The following SIM2 variants were observed in gnomAD, a reference collection of about 807,000 sequenced individuals.
SIM2 encodes SIM bHLH transcription factor 2.
A neutral mutation model predicts 64.8 loss-of-function variants in SIM2; 28 were observed. The observed-to-expected ratio is 0.43, with a 90% CI of 0.32 to 0.59. The LOEUF is 0.59. Among genes scored for constraint, SIM2 ranks in the 20% least tolerant of loss-of-function variants. The probability of loss-of-function intolerance (pLI) is 0.07; values close to 1 mark genes in which losing one functional copy is unlikely to be tolerated. For missense variants in SIM2, 847 were observed against 871.4 expected (o/e 0.97, Z 0.35); for synonymous variants, 408 against 391.1 (o/e 1.04, Z -0.51).
intron 1 of SIM2, among the ~76,000 whole-genome samples, chr21:36,706,040 C>G (rs773319166): frequency 1.3e-5 from 2 of 152,198 alleles, no homozygotes; most frequent in Non-Finnish European, 2.9e-5. Context: ...AGTGCAGGAA[C>G]TATCTCCCCG....
chr21:36,744,630 G>C, intron 9 of SIM2, 98 bp from the exon 10 acceptor site: 1 of 1,425,452 alleles, frequency 7.0e-7, no homozygotes. Flanking sequence ...GCAGCCCTTG[G>C]ATGGGGTTGG....
rs2088894968 is a variant in SIM2 at position 36,726,592 on chromosome 21, T to A, written c.743+274T>A. Among the ~76,000 whole-genome samples, 1 of 152,252 alleles carries A rather than the reference T, an allele frequency of 6.6e-6. No homozygotes were observed. The highest frequency in any genetic ancestry group is 1.5e-5 in the Non-Finnish European group (1 of 68,046). Reference sequence around the variant, plus strand: ...CTTATTGATTACTTGTTTTATTTTATTTACTTATTTGAATCACTAGAGTTT... The same window carrying A: ...CTTATTGATTACTTGTTTTATTTTAATTACTTATTTGAATCACTAGAGTTT... On this transcript the variant is annotated intron_variant, in intron 6 of 10. Coordinates refer to ENST00000290399, the MANE Select transcript of SIM2 (RefSeq NM_005069.6). The surrounding 1 kb of genome is among the most constrained non-coding windows in gnomAD (Gnocchi z 4.5).
At chr21:36,729,769 A>T (rs565003200) in intron 6 of SIM2, among the ~76,000 whole-genome samples, 2 of 152,258 alleles carry the variant, frequency 1.3e-5, no homozygotes, top group South Asian at 4.1e-4. Context: ...CTTCGAGGAC[A>T]TGGTGCCCGG....
At position 36,699,903 on chromosome 21, in the gene SIM2, C is replaced by A. The variant is rs765158971; in HGVS notation, c.157C>A (p.Arg53Ser). ...IRLTTSYLKMRAVFPEGLGDA... is the reference protein window; with the variant it reads ...IRLTTSYLKMSAVFPEGLGDA... ...CCTCACCACGAGCTACCTGAAGATG[C>A]GCGCCGTCTTCCCCGAAGGTGAGGC... The change falls in exon 1 of 11, where the codon CGC becomes AGC. Residue 53 changes from arginine (R) to serine (S), a missense_variant. Arg to Ser is a moderately radical substitution (Grantham distance 110). Coordinates refer to ENST00000290399, the MANE Select transcript of SIM2 (RefSeq NM_005069.6). The surrounding 1 kb of genome is among the most constrained non-coding windows in gnomAD (Gnocchi z 5.6). 6.2e-6 allele frequency: 10 copies of A among 1,603,962 alleles called. No homozygotes were observed. The highest frequency in any genetic ancestry group is 1.7e-4 in the Middle Eastern group (1 of 6,032).
chr21:36,729,650 G>A lies in SIM2; in HGVS notation c.744-1395G>A, dbSNP rs146479563. Among the ~76,000 whole-genome samples, 14 of 142,182 alleles carry A rather than the reference G, an allele frequency of 9.8e-5. No homozygotes were observed. In the East Asian group the frequency reaches 2.9e-3, roughly 30 times the overall value. 93.3% of individuals were successfully genotyped at this position (142,182 alleles called of 152,430 possible). On this transcript the variant is annotated intron_variant, in intron 6 of 10. Transcript: ENST00000290399. ...CCTCCCTCTTTCCCCGACCTCACCC[G>A]GCCCCCAGGACTGACTGCACCATAG... is the stretch of plus-strand genomic sequence containing the variant.
Position 36,731,315 on chromosome 21 carries a change from CGGCTGCCTGTTGTCGGTTCTCA to C in SIM2, c.850+165_850+186del, listed in dbSNP as rs558189874. Among the ~76,000 whole-genome samples the C allele has an allele frequency of 3.5e-3, 537 of 152,288 alleles. 3 individuals carry two copies. Among genetic ancestry groups the C allele is most frequent in the African/African-American group, 0.012 (484 of 41,564 alleles). On this transcript the variant is annotated intron_variant, in intron 7 of 10. Transcript: ENST00000290399. Reference sequence around the variant, plus strand: ...GCTTCCTCCACCCCGTGATTAAGTACGGCTGCCTGTTGTCGGTTCTCAAGCAGCCACGCGCACCCTTTCAGGG... The same window carrying C: ...GCTTCCTCCACCCCGTGATTAAGTACAGCAGCCACGCGCACCCTTTCAGGG...
intron 3 of SIM2, 81 bp downstream of exon 3, chr21:36,712,703 A>G (rs1177375338): frequency 1.1e-6 from 1 of 922,574 alleles, no homozygotes; most frequent in Non-Finnish European, 1.7e-6. Flanking sequence ...CCAACTTGAA[A>G]ATGAGTCTGT....
chr21:36,733,606 C>T (rs1160596672), intron 7 of SIM2, among the ~76,000 whole-genome samples: 1 of 147,958 alleles, frequency 6.8e-6, no homozygotes, highest in East Asian at 2.0e-4. Flanking sequence ...GTCACCCAAG[C>T]TGGAGTGCAG....
intron 1 of SIM2, among the ~76,000 whole-genome samples, chr21:36,701,966 G>T (rs1484265269): frequency 6.6e-6 from 1 of 152,224 alleles, no homozygotes; most frequent in Non-Finnish European, 1.5e-5. Context: ...ATGATTTGCG[G>T]TCAATGATTT....
At chr21:36,705,555 TAATCCCACAAA>T (rs2088569187) in intron 1 of SIM2, among the ~76,000 whole-genome samples, 1 of 152,198 alleles carries the variant, frequency 6.6e-6, no homozygotes, top group Non-Finnish European at 1.5e-5. Flanking sequence ...CGCGCTCGTT[TAATCCCACAAA>T]AATCCCATTT....
chr21:36,745,658 G>C lies in SIM2; in HGVS notation c.1576+522G>C. ...AGGGCAAAGAACACAAACCCTCCAGGCCTCAGTTTCTTCACCTGTAAAATG... is the reference window on the plus strand; with the variant it reads ...AGGGCAAAGAACACAAACCCTCCAGCCCTCAGTTTCTTCACCTGTAAAATG... On this transcript the variant is annotated intron_variant, in intron 10 of 10. Coordinates refer to ENST00000290399, the MANE Select transcript of SIM2 (RefSeq NM_005069.6). This position sits in a 1 kb window ranked among gnomAD's most constrained non-coding sequence, Gnocchi z 4.8. 1 of 1,180,918 alleles carries C rather than the reference G, an allele frequency of 8.5e-7. No individual in the cohort carries two copies. The highest frequency in any genetic ancestry group is 1.7e-5 in the South Asian group (1 of 58,354). The allele number at this position is 1,180,918 out of a possible 1,614,324, so 73.2% of individuals were successfully genotyped here.
At chr21:36,723,476 G>A (rs1191996572) in intron 5 of SIM2, among the ~76,000 whole-genome samples, 1 of 152,184 alleles carries the variant, frequency 6.6e-6, no homozygotes, top group Non-Finnish European at 1.5e-5. Context: ...AGCTGGCAGT[G>A]GTATCCAGAG....
intron 3 of SIM2, among the ~76,000 whole-genome samples, chr21:36,718,652 G>A (rs1013336451): frequency 5.9e-5 from 9 of 152,166 alleles, no homozygotes; most frequent in African/African-American, 1.9e-4. Flanking sequence ...ACTCCCCTTG[G>A]TGGTGGAGGA....
chr21:36,725,628 A>T (rs1443438272), intron 5 of SIM2, among the ~76,000 whole-genome samples: 1 of 152,048 alleles, frequency 6.6e-6, no homozygotes, highest in African/African-American at 2.4e-5. Context: ...TTATTATGAT[A>T]TTTTTTGTTG....
intron 7 of SIM2, among the ~76,000 whole-genome samples, chr21:36,735,133 A>G (rs1012452585): frequency 5.3e-5 from 8 of 152,132 alleles, no homozygotes; most frequent in Non-Finnish European, 1.2e-4. Context: ...GAGCTGAGGT[A>G]TTGATACCCC....
chr21:36,701,782 T>C (rs551004913), intron 1 of SIM2, among the ~76,000 whole-genome samples: 1 of 152,266 alleles, frequency 6.6e-6, no homozygotes, highest in South Asian at 2.1e-4. Context: ...AAAAGAACAT[T>C]CGGTTTTCTG....
rs925001201 is a variant in SIM2, at chr21:36,747,806, T to C, written c.1718T>C (p.Leu573Pro). The part of the protein sequence containing the change: ...QAARDGARLA[L>P]ARAAPECCAP... ...GCCCGGGACGGGGCGCGGCTGGCGC[T>C]GGCCCGCGCGGCACCCGAGTGCTGC... is the stretch of plus-strand genomic sequence containing the variant. Residue 573 changes from leucine (L) to proline (P), a missense_variant, in exon 11 of 11, where the codon CTG becomes CCG. Coordinates refer to ENST00000290399, the MANE Select transcript of SIM2 (RefSeq NM_005069.6). This position sits in a 1 kb window ranked among gnomAD's most constrained non-coding sequence, Gnocchi z 4.5. The C allele has an allele frequency of 6.4e-4, 663 of 1,036,076 alleles. No homozygotes were observed. The highest frequency in any genetic ancestry group is 7.3e-4 in the Non-Finnish European group (629 of 866,860). 64.2% of individuals were successfully genotyped at this position (1,036,076 alleles called of 1,614,324 possible).
rs1038823139 is a variant in SIM2, at chr21:36,747,958, T to G, written c.1870T>G (p.Cys624Gly). The G allele has an allele frequency of 8.0e-6, 8 of 1,004,744 alleles. No individual in the cohort carries two copies. The highest frequency in any genetic ancestry group is 4.4e-5 in the South Asian group (1 of 22,672). 62.2% of individuals were successfully genotyped at this position (1,004,744 alleles called of 1,614,324 possible). Reference protein sequence around the residue: ...GAAPAASGLACAPGGPEAATG... With the variant: ...GAAPAASGLAGAPGGPEAATG... Reference sequence around the variant, plus strand: ...CGCACCCGCCGCCTCCGGCCTGGCCTGCGCTCCCGGCGGCCCCGAGGCGGC... The same window carrying G: ...CGCACCCGCCGCCTCCGGCCTGGCCGGCGCTCCCGGCGGCCCCGAGGCGGC... Residue 624 changes from cysteine to glycine, a missense_variant, in exon 11 of 11, where the codon TGC (cysteine) becomes GGC (glycine). Physicochemically the swap from Cys to Gly is radical, Grantham distance 159. Around this residue, in one of 3 missense-constraint regions of SIM2, gnomAD observed 447 missense variants for 414.6 expected, o/e 1.08. Transcript: ENST00000290399. This position sits in a 1 kb window ranked among gnomAD's most constrained non-coding sequence, Gnocchi z 4.5.
In SIM2 at chr21:36,726,986, T is replaced by A. The variant is rs148352344; in HGVS notation, c.743+668T>A. On this transcript the variant is annotated intron_variant, in intron 6 of 10. Transcript: ENST00000290399. The surrounding 1 kb of genome is among the most constrained non-coding windows in gnomAD (Gnocchi z 4.5). ...CCGGCTGCAGTCCCAGTTTTTTAACTGAGTCTGCAGTTAAAGTCTGAGTTT... is the reference window on the plus strand; with the variant it reads ...CCGGCTGCAGTCCCAGTTTTTTAACAGAGTCTGCAGTTAAAGTCTGAGTTT... 2.0e-5 allele frequency among the ~76,000 whole-genome samples: 3 copies of A among 152,358 alleles called. No homozygotes were observed. The highest frequency in any genetic ancestry group is 7.2e-5 in the African/African-American group (3 of 41,574).
Sources: allele counts gnomAD v4.1 joint callset (sites outside exome capture counted in the v4.1 genomes callset), GRCh38; gene constraint gnomAD v4.1.1; regional missense constraint gnomAD v4.1.1; non-coding constraint Gnocchi (gnomAD v3.1); transcripts MANE v1.5; gene names NCBI Gene and HGNC (gene_info 2026-07-23, HGNC 2026-07-21).